RBFOX1: variants seen among roughly 807,000 people sequenced by gnomAD.
RBFOX1 encodes the protein RNA binding fox-1 homolog 1, also known as RNA binding protein fox-1 homolog 1.
RBFOX1 carries 8 observed loss-of-function variants against 57.7 expected under a neutral mutation model. The observed-to-expected ratio is 0.14, with a 90% CI of 0.08 to 0.25. The LOEUF is 0.25. Ranked by LOEUF, RBFOX1 falls within the 10% of genes least tolerant of loss-of-function variation. The pLI is 1.00. For missense variants in RBFOX1, 611 were observed against 548.5 expected (o/e 1.11, Z -1.14); for synonymous variants, 326 against 222.4 (o/e 1.47, Z -4.15).
At chr16:6,915,682 C>A (rs766901490) in intron 3 of RBFOX1, among the ~76,000 whole-genome samples, 15 of 151,624 alleles carry the variant, frequency 9.9e-5, no homozygotes, top group Non-Finnish European at 1.6e-4. Flanking sequence ...TTCAGAGTAG[C>A]TGTGAGTACA....
At chr16:6,631,383 G>C (rs888554260) in intron 2 of RBFOX1, among the ~76,000 whole-genome samples, 1 of 151,788 alleles carries the variant, frequency 6.6e-6, no homozygotes, top group African/African-American at 2.4e-5. Flanking sequence ...ATATTTTTTA[G>C]AAAACACTTT....
intron 4 of RBFOX1, among the ~76,000 whole-genome samples, chr16:7,393,611 G>T (rs148130212): frequency 6.6e-6 from 1 of 152,212 alleles, no homozygotes; most frequent in Non-Finnish European, 1.5e-5. Flanking sequence ...GCAGAGGAAG[G>T]TATGGTTTCA....
At chr16:6,466,188 C>T (rs1597644092) in intron 2 of RBFOX1, among the ~76,000 whole-genome samples, 1 of 150,684 alleles carries the variant, frequency 6.6e-6, no homozygotes, top group Admixed American at 6.6e-5. Context: ...TGAGGTTGCA[C>T]CACTGCACTC....
intron 4 of RBFOX1, among the ~76,000 whole-genome samples, chr16:5,998,830 C>T (rs1172659341): frequency 2.6e-5 from 4 of 152,200 alleles, no homozygotes; most frequent in South Asian, 2.1e-4. Context: ...TATATAAATT[C>T]ACGTGTCATA....
At chr16:6,867,948 C>G (rs1012986499) in intron 3 of RBFOX1, among the ~76,000 whole-genome samples, 1 of 152,122 alleles carries the variant, frequency 6.6e-6, no homozygotes, top group Non-Finnish European at 1.5e-5. Flanking sequence ...AGAACTATGG[C>G]TCAGACAAAT....
chr16:6,158,208 G>C (rs926488570), intron 1 of RBFOX1, among the ~76,000 whole-genome samples: 2 of 152,170 alleles, frequency 1.3e-5, no homozygotes, highest in African/African-American at 4.8e-5. Flanking sequence ...TGTGATGCTT[G>C]CAACTGTCCG....
chr16:7,234,169 C>T (rs577430169), intron 4 of RBFOX1, among the ~76,000 whole-genome samples: 3 of 152,084 alleles, frequency 2.0e-5, no homozygotes, highest in East Asian at 1.9e-4. Context: ...ATGTGGCTCA[C>T]GGCAGGCAAT....
chr16:6,565,966 T>C (rs2097259832), intron 2 of RBFOX1, among the ~76,000 whole-genome samples: 1 of 152,358 alleles, frequency 6.6e-6, no homozygotes, highest in Non-Finnish European at 1.5e-5. Flanking sequence ...TCTCTGTTCA[T>C]CCTGCACTGG....
At chr16:7,457,106 C>A (rs998359539) in intron 4 of RBFOX1, among the ~76,000 whole-genome samples, 1 of 151,966 alleles carries the variant, frequency 6.6e-6, no homozygotes, top group South Asian at 2.1e-4. Flanking sequence ...AGGCTGGTCT[C>A]GAACTCCTGA....
At chr16:6,196,911 C>G (rs75540112) in intron 1 of RBFOX1, among the ~76,000 whole-genome samples, 2,922 of 151,970 alleles carry the variant, frequency 0.019, 68 homozygotes, top group African/African-American at 0.062. Flanking sequence ...ACACTGGATT[C>G]CAGTAGCTGA....
At chr16:6,454,327 C>T (rs1008536957) in intron 2 of RBFOX1, among the ~76,000 whole-genome samples, 1 of 152,122 alleles carries the variant, frequency 6.6e-6, no homozygotes, top group Non-Finnish European at 1.5e-5. Flanking sequence ...GAGGTCAAGG[C>T]AGGTGAATCT....
At chr16:5,643,981 C>T (rs144464063) in intron 3 of RBFOX1, among the ~76,000 whole-genome samples, 203 of 152,280 alleles carry the variant, frequency 1.3e-3, no homozygotes, top group African/African-American at 4.6e-3. Context: ...CAAAAGGGCC[C>T]GCTGTTTTAC....
At chr16:7,081,060 A>G (rs1017873368) in intron 4 of RBFOX1, among the ~76,000 whole-genome samples, 1 of 152,114 alleles carries the variant, frequency 6.6e-6, no homozygotes, top group Admixed American at 6.6e-5. Context: ...TTTGAGGCAG[A>G]GTCTCACTCT....
intron 2 of RBFOX1, among the ~76,000 whole-genome samples, chr16:6,451,651 A>G (rs968690014): frequency 1.3e-5 from 2 of 152,198 alleles, no homozygotes; most frequent in African/African-American, 4.8e-5. Flanking sequence ...GCTCTGGGCT[A>G]TCACCAGCCT....
At chr16:5,521,608 A>G (rs12930683) in intron 2 of RBFOX1, among the ~76,000 whole-genome samples, 59,878 of 151,882 alleles carry the variant, frequency 0.39, 13,251 homozygotes, top group East Asian at 0.88. Context: ...ACAGGTGGAC[A>G]CCAGAAGGCA....
At chr16:5,848,171 A>C (rs984283669) in intron 3 of RBFOX1, among the ~76,000 whole-genome samples, 1 of 152,064 alleles carries the variant, frequency 6.6e-6, no homozygotes, top group African/African-American at 2.4e-5. Flanking sequence ...AGCAGGTTGC[A>C]GTTTGTTTTG....
chr16:5,454,895 T>TTTG (rs1567535115), intron 1 of RBFOX1, among the ~76,000 whole-genome samples: 1 of 116,622 alleles, frequency 8.6e-6, no homozygotes, highest in Non-Finnish European at 1.9e-5. Context: ...TCTTTCTTTC[T>TTTG]TTCTTTCTTT....
chr16:5,834,624 T>A (rs200624646), intron 3 of RBFOX1, among the ~76,000 whole-genome samples: 5 of 125,882 alleles, frequency 4.0e-5, no homozygotes, highest in East Asian at 4.9e-4. Context: ...ATAGATAGAT[T>A]GACTGATTTG....
intron 11 of RBFOX1, among the ~76,000 whole-genome samples, chr16:7,645,949 CCACCT>C (rs2063656884): frequency 6.8e-6 from 1 of 146,160 alleles, no homozygotes; most frequent in African/African-American, 2.6e-5. Flanking sequence ...CACCACCCAC[CCACCT>C]TTTTTTTTTT....
Sources: gnomAD v4.1 joint callset for allele counts (sites outside exome capture counted in the v4.1 genomes callset) on GRCh38, gnomAD v4.1.1 for gene constraint, MANE v1.5 for transcripts, NCBI Gene and HGNC (gene_info 2026-07-23, HGNC 2026-07-21) for gene names.